The following WDR91 variants were observed in gnomAD, a reference collection of about 807,000 sequenced individuals.
WDR91 encodes the protein WD repeat domain 91, also known as WD repeat-containing protein 91.
A neutral mutation model predicts 88.4 loss-of-function variants in WDR91; 52 were observed. The ratio of observed to expected loss-of-function variants is 0.59; its 90% CI spans 0.47 to 0.74. WDR91 has a LOEUF of 0.74. Among genes scored for constraint, WDR91 ranks in the 30% least tolerant of loss-of-function variants. WDR91 has a pLI of 0.00. For synonymous variants in WDR91, 362 were observed against 389.5 expected, an observed-to-expected ratio of 0.93 and a Z score of 0.83; for missense variants, 824 against 954.5, an observed-to-expected ratio of 0.86 and a Z score of 1.80.
chr7:135,186,442 C>A, intron 14 of WDR91, 127 bp from the exon 15 acceptor site: 1 of 1,062,012 alleles, frequency 9.4e-7, no homozygotes, highest in South Asian at 1.6e-5. Flanking sequence ...TCCAGAAAGT[C>A]TGTTTAACTT....
Position 135,204,750 on chromosome 7 carries a change from G to C in WDR91, c.726-317C>G, listed in dbSNP as rs144100856. ...GGTTAGTCCAAATCAAGATGTGCTA[G>C]AGATGTAAAATTGACACTGGAATTC... On this transcript the variant is annotated intron_variant, in intron 5 of 14. Coordinates refer to ENST00000354475, the MANE Select transcript of WDR91 (RefSeq NM_014149.4). 6.6e-5 allele frequency among the ~76,000 whole-genome samples: 10 copies of C among 152,322 alleles called. No individual in the cohort carries two copies. In the East Asian group the frequency reaches 1.9e-3, roughly 29 times the overall value.
intron 1 of WDR91, among the ~76,000 whole-genome samples, chr7:135,210,474 A>T (rs1037693448): frequency 2.6e-5 from 4 of 152,268 alleles, no homozygotes; most frequent in African/African-American, 9.6e-5. Context: ...CCCAAGGATC[A>T]TGAGGAGGTG....
intron 2 of WDR91, 51 bp from the exon 3 acceptor site, chr7:135,209,049 AG>A: frequency 6.5e-7 from 1 of 1,540,060 alleles, no homozygotes. Flanking sequence ...AGAAATCCAG[AG>A]GTAAGACTCT....
chr7:135,192,112 T>TTTG (rs1350115856), intron 11 of WDR91, among the ~76,000 whole-genome samples: 3 of 15,446 alleles, frequency 1.9e-4, no homozygotes, highest in Non-Finnish European at 5.9e-4. Context: ...TGTTGTGTTT[T>TTTG]TTTTTTTTTT....
In WDR91 at chr7:135,208,720, C is replaced by A. The variant is rs557314029; in HGVS notation, c.511+71G>T. The A allele has an allele frequency of 1.9e-5, 27 of 1,389,250 alleles. No homozygotes were observed. The African/African-American group carries it at 3.6e-4, about 19-fold the overall frequency. 86.1% of individuals were successfully genotyped at this position (1,389,250 alleles called of 1,614,324 possible). On this transcript the variant is annotated intron_variant, in intron 3 of 14. Coordinates refer to ENST00000354475, the MANE Select transcript of WDR91 (RefSeq NM_014149.4). ...GTAGAAGAAATGCCTGTATGGAGAC[C>A]AGCGGGCTACTGATCCTGAGGTCTG...
intron 5 of WDR91, among the ~76,000 whole-genome samples, chr7:135,205,189 C>G (rs1281035934): frequency 2.0e-5 from 3 of 152,206 alleles, no homozygotes; most frequent in Non-Finnish European, 4.4e-5. Context: ...TCTAATCTGC[C>G]TTCCTCTTTA....
chr7:135,207,123 C>A lies in WDR91; in HGVS notation c.591G>T (p.Gln197His). The change falls in exon 4 of 15, where the codon CAG (glutamine) becomes CAT (histidine). Residue 197 changes from glutamine to histidine, a missense_variant. Physicochemically the swap from Gln to His is conservative, Grantham distance 24. Transcript: ENST00000354475. ...QVQEENEVLR[Q>H]KLFALQAEIH... is the part of the protein sequence containing the mutation. ...AGCAAGCCTGTTCAGAACAAACCTT[C>A]TGACGCAGAACTTCATTTTCTTCTT... 1 of 1,604,402 alleles carries A rather than the reference C, an allele frequency of 6.2e-7. No homozygotes were observed. The highest frequency in any genetic ancestry group is 1.1e-5 in the South Asian group (1 of 90,886).
At chr7:135,205,850 C>G in intron 5 of WDR91, 78 bp downstream of exon 5, 1 of 1,595,248 alleles carries the variant, frequency 6.3e-7, no homozygotes, top group Non-Finnish European at 8.6e-7. Context: ...GGACTGCAGG[C>G]AAGGCAAGAT....
At chr7:135,210,709 C>T (rs893235882) in intron 1 of WDR91, 46 of 694,502 alleles carry the variant, frequency 6.6e-5, no homozygotes, top group Non-Finnish European at 1.1e-4. Context: ...TAGCCACTAA[C>T]TTTGGCCAGG....
At chr7:135,194,775 G>A (rs1303855156) in intron 9 of WDR91, among the ~76,000 whole-genome samples, 159 bp downstream of exon 9, 1 of 152,140 alleles carries the variant, frequency 6.6e-6, no homozygotes, top group East Asian at 1.9e-4. Context: ...CCCACAACAG[G>A]AGCCTTCTGG....
At chr7:135,189,531 GCC>G in intron 11 of WDR91, 79 bp from the exon 12 acceptor site, 1 of 1,197,412 alleles carries the variant, frequency 8.4e-7, no homozygotes, top group Non-Finnish European at 1.2e-6. Context: ...GCAGACAGGT[GCC>G]CCAGACTGGG....
intron 11 of WDR91, 96 bp from the exon 12 acceptor site, chr7:135,189,548 C>A: frequency 1.1e-6 from 1 of 900,486 alleles, no homozygotes; most frequent in Non-Finnish European, 1.7e-6. Flanking sequence ...ACTGGGTTTT[C>A]CACCAGCTCC....
In WDR91 at chr7:135,197,995, G is replaced by A; in HGVS notation, c.1048C>T (p.Gln350Ter). 6.2e-7 allele frequency: 1 copy of A among 1,614,024 alleles called. No individual in the cohort carries two copies. The part of the protein sequence containing the change: ...RKELFSTTTS[Q>*]CAEKKPEASG... ...GGGTGTTCAGGACAACCCCATACCT[G>A]GGAAGTGGTTGTGGAGAAAAGCTCC... The change falls in exon 7 of 15, where the codon CAG becomes TAG. Residue 350 changes from glutamine (Q) to a stop codon, truncating the protein, a stop_gained and splice_region_variant. Coordinates refer to ENST00000354475, the MANE Select transcript of WDR91 (RefSeq NM_014149.4). LOFTEE classifies it high-confidence loss of function.
At chr7:135,195,305 G>A (rs919430472) in intron 8 of WDR91, among the ~76,000 whole-genome samples, 2 of 152,212 alleles carry the variant, frequency 1.3e-5, no homozygotes, top group African/African-American at 2.4e-5. Flanking sequence ...GGAGCTTTTG[G>A]TCAATTCTGG....
In WDR91 at chr7:135,208,902, G is replaced by T. The variant is rs1831909416; in HGVS notation, c.400C>A (p.Leu134Met). ...EWKDWFVLPFLPSPDTNPTFA... is the reference protein window; with the variant it reads ...EWKDWFVLPFMPSPDTNPTFA... ...GTGGGGTTGGTGTCCGGGGATGGCA[G>T]GAAGGGCAGGACAAACCAATCCTTC... Residue 134 changes from leucine (L) to methionine (M), a missense_variant, in exon 3 of 15, where the codon CTG (leucine) becomes ATG (methionine). Physicochemically the swap from Leu to Met is conservative, Grantham distance 15 (BLOSUM62 2). Transcript: ENST00000354475. The T allele has an allele frequency of 6.2e-7, 1 of 1,614,080 alleles. No individual in the cohort carries two copies. Among genetic ancestry groups the T allele is most frequent in the African/African-American group, 1.3e-5 (1 of 74,932 alleles).
rs34649306 is a variant in WDR91 at position 135,193,312 on chromosome 7, T to C, written c.1578A>G (p.Ser526=). 3.6e-3 allele frequency: 5,848 copies of C among 1,614,168 alleles called. 183 individuals are homozygous for C. In the African/African-American group the frequency reaches 0.066, roughly 18 times the overall value. The change falls in exon 11 of 15, where the codon TCA becomes TCG. Residue 526 remains serine (S), a synonymous_variant. Transcript: ENST00000354475. The part of the protein sequence containing the change: ...APSLTSQVDF[S]APDIGSKGMN... Reference sequence around the variant, plus strand: ...TGCCCTTGCTGCCGATGTCTGGTGCTGAGAAGTCCACCTGGGAAGTGAGGC... The same window carrying C: ...TGCCCTTGCTGCCGATGTCTGGTGCCGAGAAGTCCACCTGGGAAGTGAGGC...
At position 135,196,352 on chromosome 7, in the gene WDR91, G is replaced by A. The variant is rs758600173; in HGVS notation, c.1051-15C>T. The stretch of plus-strand genomic sequence containing the variant: ...TTCTCTGCACACTGTCACAAGCAGG[G>A]TGGGGACAAGTCAGCCAGGAAAGGG... On this transcript the variant is annotated splice_polypyrimidine_tract_variant and intron_variant, in intron 7 of 14. Coordinates refer to ENST00000354475, the MANE Select transcript of WDR91 (RefSeq NM_014149.4). This position sits in a 1 kb window ranked among gnomAD's most constrained non-coding sequence, Gnocchi z 4.2. 7.3e-6 allele frequency: 11 copies of A among 1,507,148 alleles called. No homozygotes were observed. Among genetic ancestry groups the A allele is most frequent in the Non-Finnish European group, 9.8e-6 (11 of 1,125,942 alleles). The allele number at this position is 1,507,148 out of a possible 1,614,324, so 93.4% of individuals were successfully genotyped here.
At chr7:135,193,429 C>T (rs1831246304) in intron 10 of WDR91, 30 bp from the exon 11 acceptor site, 1 of 1,612,008 alleles carries the variant, frequency 6.2e-7, no homozygotes, top group Admixed American at 1.7e-5. Context: ...GGGTCAGACC[C>T]TCTGCCTGCC....
intron 6 of WDR91, among the ~76,000 whole-genome samples, chr7:135,200,531 G>A (rs927542226): frequency 6.6e-6 from 1 of 152,134 alleles, no homozygotes; most frequent in South Asian, 2.1e-4. Context: ...CCAGCACCAC[G>A]CCTCGCATAA....
Sources: allele counts gnomAD v4.1 joint callset (sites outside exome capture counted in the v4.1 genomes callset), GRCh38; gene constraint gnomAD v4.1.1; non-coding constraint Gnocchi (gnomAD v3.1); transcripts MANE v1.5; gene names NCBI Gene and HGNC (gene_info 2026-07-23, HGNC 2026-07-21).